Variants in STRIP2 observed in about 807,000 individuals in gnomAD.
STRIP2 encodes striatin interacting protein 2, also known as striatin-interacting protein 2.
A neutral mutation model predicts 107.1 loss-of-function variants in STRIP2; 84 were observed. That is an observed-to-expected ratio of 0.78 (90% confidence interval 0.66 to 0.94). The LOEUF (loss-of-function observed/expected upper bound fraction) is 0.94, where lower values mean the gene tolerates loss of function less well. STRIP2 is among the 40% of genes least tolerant of loss of function. STRIP2 has a pLI of 0.00. For synonymous variants in STRIP2, 394 were observed against 400.4 expected, an observed-to-expected ratio of 0.98 and a Z score of 0.19; for missense variants, 888 against 1,034.2, an observed-to-expected ratio of 0.86 and a Z score of 1.94.
chr7:129,437,042 A>C (rs1418765682), intron 1 of STRIP2, among the ~76,000 whole-genome samples: 2 of 152,226 alleles, frequency 1.3e-5, no homozygotes, highest in Non-Finnish European at 2.9e-5. Context: ...GTTTTTCTAA[A>C]AATTTAGTTC....
At chr7:129,466,493 G>T (rs1798673698) in intron 16 of STRIP2, among the ~76,000 whole-genome samples, 1 of 152,096 alleles carries the variant, frequency 6.6e-6, no homozygotes, top group Admixed American at 6.5e-5. Flanking sequence ...AAACACCATA[G>T]TTCTCTGCTT....
intron 3 of STRIP2, 127 bp from the exon 4 acceptor site, chr7:129,451,486 A>C: frequency 7.9e-7 from 1 of 1,268,250 alleles, no homozygotes; most frequent in Non-Finnish European, 1.1e-6. Context: ...TCAGTGAAAT[A>C]AGGAAAGCTT....
Position 129,458,837 on chromosome 7 carries a change from G to C in STRIP2, c.1340+60G>C. 1.9e-6 allele frequency: 3 copies of C among 1,550,916 alleles called. No individual in the cohort carries two copies. The highest frequency in any genetic ancestry group is 2.7e-6 in the Non-Finnish European group (3 of 1,123,414). On this transcript the variant is annotated intron_variant, in intron 11 of 20. Transcript: ENST00000249344. This position sits in a 1 kb window ranked among gnomAD's most constrained non-coding sequence, Gnocchi z 4.6. ...TGGTTCCTAGGGGGCCAGAGGAGCA[G>C]GTAGCTTGGAATGAGGGATGGTGCC...
rs2151009694 is a variant in STRIP2 at position 129,467,384 on chromosome 7, A to G, written c.1811A>G (p.Asn604Ser). ...EYVSQHLVFA[N>S]CIPLILKFFN... Reference sequence around the variant, plus strand: ...GTATCGCAACATTTGGTATTTGCCAACTGCATCCCCTTGATCCTGAAGTTC... The same window carrying G: ...GTATCGCAACATTTGGTATTTGCCAGCTGCATCCCCTTGATCCTGAAGTTC... The change falls in exon 17 of 21, where the codon AAC becomes AGC. Residue 604 changes from asparagine (N) to serine (S), a missense_variant. Asn to Ser is a conservative substitution (Grantham distance 46). Transcript: ENST00000249344. 6 of 1,613,854 alleles carry G rather than the reference A, an allele frequency of 3.7e-6. No homozygotes were observed. Among genetic ancestry groups the G allele is most frequent in the South Asian group, 2.2e-5 (2 of 91,054 alleles).
At chr7:129,485,544 T>C (rs1799224237) in intron 20 of STRIP2, 35 bp from the exon 21 acceptor site, 12 of 1,611,812 alleles carry the variant, frequency 7.4e-6, no homozygotes, top group African/African-American at 1.3e-5. Context: ...GTGTCTTGCA[T>C]TGTATGTCTT....
intron 11 of STRIP2, among the ~76,000 whole-genome samples, chr7:129,459,039 A>C (rs574046605): frequency 6.6e-6 from 1 of 152,220 alleles, no homozygotes; most frequent in South Asian, 2.1e-4. Flanking sequence ...TTTCGGGCTT[A>C]ATTTTTTCCT....
chr7:129,470,776 T>G lies in STRIP2; in HGVS notation c.1944+61T>G, dbSNP rs1466899047. 4 of 1,390,908 alleles carry G rather than the reference T, an allele frequency of 2.9e-6. No individual in the cohort carries two copies. In the African/African-American group the frequency reaches 4.3e-5, roughly 15 times the overall value. 86.2% of individuals were successfully genotyped at this position (1,390,908 alleles called of 1,614,324 possible). A position where few individuals can be genotyped will look rare whatever the true frequency, so the allele number is the denominator to read the frequency against. On this transcript the variant is annotated intron_variant, in intron 18 of 20. Transcript: ENST00000249344. ...CTAGGTAGCACAGGTTGGCATTTGC[T>G]CTTTCATTTCTTCTCCAACCCCTTA...
chr7:129,478,662 A>G (rs965237487), intron 18 of STRIP2, among the ~76,000 whole-genome samples: 18 of 152,230 alleles, frequency 1.2e-4, no homozygotes, highest in African/African-American at 2.9e-4. Flanking sequence ...GAGAAAGTCC[A>G]TGTAAATCAC....
At position 129,435,147 on chromosome 7, in the gene STRIP2, T is replaced by C. The variant is rs143580860; in HGVS notation, c.129+546T>C. On this transcript the variant is annotated intron_variant, in intron 1 of 20. Coordinates refer to ENST00000249344, the MANE Select transcript of STRIP2 (RefSeq NM_020704.3). ...AGTCTTAGGCCGTTTCGGGAGCGCC[T>C]TCCGCGGACATCAGGCCCCTGCCTG... Among the ~76,000 whole-genome samples the C allele has an allele frequency of 2.5e-3, 374 of 152,300 alleles. 1 individual carries two copies. Among genetic ancestry groups the C allele is most frequent in the African/African-American group, 8.7e-3 (363 of 41,556 alleles).
chr7:129,482,371 ATATATATTTTTTTTT>A (rs1799144501), intron 19 of STRIP2, among the ~76,000 whole-genome samples: 1 of 84,194 alleles, frequency 1.2e-5, no homozygotes, highest in Non-Finnish European at 2.6e-5. Flanking sequence ...ATATATATAT[ATATATATTTTTTTTT>A]TTTTTTTTTG....
intron 15 of STRIP2, 107 bp downstream of exon 15, chr7:129,464,248 G>C: frequency 1.1e-6 from 1 of 872,340 alleles, no homozygotes; most frequent in Admixed American, 2.0e-5. Context: ...TCTCCAAAGA[G>C]ATCTCCCCGT....
At chr7:129,471,163 G>A (rs911583706) in intron 18 of STRIP2, among the ~76,000 whole-genome samples, 18 of 151,990 alleles carry the variant, frequency 1.2e-4, no homozygotes, top group Non-Finnish European at 1.9e-4. Flanking sequence ...TAAGTCTCTC[G>A]GAGGCAAAAG....
intron 18 of STRIP2, among the ~76,000 whole-genome samples, chr7:129,471,401 C>A (rs1260527850): frequency 6.6e-6 from 1 of 152,098 alleles, no homozygotes; most frequent in African/African-American, 2.4e-5. Flanking sequence ...GTGTCTGTTT[C>A]TTAATTTGAC....
chr7:129,444,003 G>T, intron 2 of STRIP2, 21 bp from the exon 3 acceptor site: 6 of 1,597,584 alleles, frequency 3.8e-6, no homozygotes, highest in Non-Finnish European at 5.1e-6. Context: ...GAATGTGACT[G>T]TTCTGTCTTT....
chr7:129,479,150 T>C (rs962146901), intron 18 of STRIP2, among the ~76,000 whole-genome samples: 2 of 151,856 alleles, frequency 1.3e-5, no homozygotes, highest in Non-Finnish European at 2.9e-5. Context: ...GGTGCATTCC[T>C]ATAATCCCAG....
At chr7:129,472,774 TC>T (rs72244067) in intron 18 of STRIP2, among the ~76,000 whole-genome samples, 13,497 of 53,918 alleles carry the variant, frequency 0.25, 4,451 homozygotes, top group Admixed American at 0.29. Context: ...TCTTTTCTTT[TC>T]CTTTTTTTTT....
Position 129,467,361 on chromosome 7 carries a change from A to G in STRIP2, c.1788A>G (p.Val596=). 1 of 1,613,320 alleles carries G rather than the reference A, an allele frequency of 6.2e-7. No individual in the cohort carries two copies. The highest frequency in any genetic ancestry group is 8.5e-7 in the Non-Finnish European group (1 of 1,179,394). ...KLNHIYQFEY[V]SQHLVFANCI... is the part of the protein sequence containing the mutation. ...GATTTTTAATTCAGTTTGAATATGT[A>G]TCGCAACATTTGGTATTTGCCAACT... The change falls in exon 17 of 21, where the codon GTA becomes GTG. Residue 596 remains valine (V), a synonymous_variant. Transcript: ENST00000249344.
Position 129,451,735 on chromosome 7 carries a change from T to C in STRIP2, c.397T>C (p.Tyr133His). The change falls in exon 4 of 21, where the codon TAC becomes CAC. Residue 133 changes from tyrosine to histidine, a missense_variant. Tyr to His is a moderately conservative substitution (Grantham distance 83). Transcript: ENST00000249344. ...RRLKVARAVLYLAQGTFGECD... is the reference protein window; with the variant it reads ...RRLKVARAVLHLAQGTFGECD... ...GCTGAAGGTGGCCCGGGCTGTTCTC[T>C]ACCTGGCCCAAGGTGAGTGACCACC... is the stretch of plus-strand genomic sequence containing the variant. 6.2e-7 allele frequency: 1 copy of C among 1,613,376 alleles called. No homozygotes were observed. Among genetic ancestry groups the C allele is most frequent in the East Asian group, 2.2e-5 (1 of 44,848 alleles).
chr7:129,453,328 C>G lies in STRIP2; in HGVS notation c.511C>G (p.Leu171Val). The part of the protein sequence containing the change: ...QMGTFSTFLE[L>V]LHMEIDNSQA... ...GGGGACCTTCTCCACCTTCCTGGAG[C>G]TACTCCACATGGAAATTGAGTGAGA... The change falls in exon 5 of 21, where the codon CTA (leucine) becomes GTA (valine). Residue 171 changes from leucine (L) to valine (V), a missense_variant. By Grantham distance (32) the Leu-to-Val change is conservative. Transcript: ENST00000249344. 1 of 1,614,134 alleles carries G rather than the reference C, an allele frequency of 6.2e-7. No individual in the cohort carries two copies. The highest frequency in any genetic ancestry group is 8.5e-7 in the Non-Finnish European group (1 of 1,180,000).
Sources: gnomAD v4.1 joint callset for allele counts (sites outside exome capture counted in the v4.1 genomes callset) on GRCh38, gnomAD v4.1.1 for gene constraint, Gnocchi (gnomAD v3.1) non-coding constraint, MANE v1.5 for transcripts, NCBI Gene and HGNC (gene_info 2026-07-23, HGNC 2026-07-21) for gene names.